Variants in C6 observed in about 807,000 individuals in gnomAD.
C6 encodes the protein complement C6, also known as complement component C6.
C6 carries 101 observed loss-of-function variants against 112.9 expected under a neutral mutation model. That is an observed-to-expected ratio of 0.89 (90% confidence interval 0.76 to 1.06). C6 has a LOEUF of 1.06. C6 is among the 50% of genes least tolerant of loss of function. The pLI, the probability that C6 is intolerant of heterozygous loss-of-function variation, is 0.00. For synonymous variants in C6, 431 were observed against 384.1 expected (o/e 1.12, Z -1.43); for missense variants, 1,202 against 1,104.6 (o/e 1.09, Z -1.25).
chr5:41,207,986 C>G (rs946925408), intron 1 of C6, among the ~76,000 whole-genome samples: 2 of 152,196 alleles, frequency 1.3e-5, no homozygotes, highest in Non-Finnish European at 2.9e-5. Context: ...AAGTAAAGCA[C>G]TCCTCCGCAA....
At chr5:41,169,002 C>T (rs17260228) in intron 9 of C6, among the ~76,000 whole-genome samples, 46,604 of 151,858 alleles carry the variant, frequency 0.31, 8,326 homozygotes, top group Non-Finnish European at 0.42. Flanking sequence ...TTCCCTAAAG[C>T]CTGAAGAAGG....
At chr5:41,187,516 C>T (rs1465350597) in intron 5 of C6, among the ~76,000 whole-genome samples, 2 of 152,082 alleles carry the variant, frequency 1.3e-5, no homozygotes, top group East Asian at 1.9e-4. Flanking sequence ...GCAGAAAATT[C>T]GACCAATTAC....
chr5:41,186,485 A>G, intron 5 of C6: 1 of 402,600 alleles, frequency 2.5e-6, no homozygotes, highest in Non-Finnish European at 4.6e-6. Flanking sequence ...CTGGATTTAT[A>G]ATTTTTTATG....
chr5:41,239,332 G>A (rs1260153137), intron 1 of C6, among the ~76,000 whole-genome samples: 4 of 151,760 alleles, frequency 2.6e-5, no homozygotes, highest in East Asian at 3.9e-4. Context: ...TCCTGGTCTC[G>A]AACTCCTGAC....
At chr5:41,188,606 G>A (rs559071799) in intron 5 of C6, among the ~76,000 whole-genome samples, 1 of 151,858 alleles carries the variant, frequency 6.6e-6, no homozygotes, top group African/African-American at 2.4e-5. Flanking sequence ...CTCACATAAT[G>A]CAAAAAAATT....
intron 9 of C6, among the ~76,000 whole-genome samples, chr5:41,163,636 G>A (rs2150279094): frequency 6.6e-6 from 1 of 152,250 alleles, no homozygotes; most frequent in South Asian, 2.1e-4. Context: ...AGTGTGTGCA[G>A]CCACTACTAT....
intron 3 of C6, among the ~76,000 whole-genome samples, chr5:41,201,017 G>A (rs10447143): frequency 0.51 from 76,477 of 149,498 alleles, 20,316 homozygotes; most frequent in Non-Finnish European, 0.6. Context: ...GTGGAGTATT[G>A]TATATGTAAA....
intron 9 of C6, among the ~76,000 whole-genome samples, chr5:41,165,964 T>G (rs962430247): frequency 1.8e-4 from 27 of 152,138 alleles, no homozygotes; most frequent in African/African-American, 6.5e-4. Flanking sequence ...TTTTTACTGC[T>G]TTCCCACTGA....
intron 1 of C6, among the ~76,000 whole-genome samples, 198 bp downstream of exon 1, chr5:41,213,178 C>G (rs1338038337): frequency 1.3e-5 from 2 of 152,010 alleles, no homozygotes; most frequent in Non-Finnish European, 2.9e-5. Context: ...CTCAAATGTC[C>G]TCTGGAATGA....
chr5:41,248,753 A>T (rs1376188732), intron 1 of C6, among the ~76,000 whole-genome samples: 1 of 152,254 alleles, frequency 6.6e-6, no homozygotes, highest in Non-Finnish European at 1.5e-5. Context: ...CACAGTGGAA[A>T]GCAGTTTGGA....
chr5:41,230,816 C>T (rs974642947), intron 1 of C6, among the ~76,000 whole-genome samples: 1 of 152,126 alleles, frequency 6.6e-6, no homozygotes, highest in African/African-American at 2.4e-5. Flanking sequence ...AAATTCCTCT[C>T]TTTGTATGCT....
intron 1 of C6, among the ~76,000 whole-genome samples, chr5:41,245,656 A>G (rs1385592855): frequency 1.3e-5 from 2 of 152,194 alleles, no homozygotes; most frequent in Non-Finnish European, 2.9e-5. Flanking sequence ...ATTGAGTTCT[A>G]TCAAATGCTT....
Position 41,160,349 on chromosome 5 carries a change from A to C in C6, c.1477T>G (p.Leu493Val), listed in dbSNP as rs529484837. The C allele has an allele frequency of 9.3e-6, 15 of 1,613,604 alleles. No homozygotes were observed. Among genetic ancestry groups the C allele is most frequent in the Admixed American group, 8.3e-5 (5 of 59,944 alleles). Residue 493 changes from leucine to valine, a missense_variant, in exon 11 of 18, where the codon TTG becomes GTG. By Grantham distance (32) the Leu-to-Val change is conservative. Coordinates refer to ENST00000337836, the MANE Select transcript of C6 (RefSeq NM_000065.5). ...ACTGCACAGGGGATGTTTCTTACCA[A>C]GTCCACGATGGGGGCAAGCTAGGAG... ...IDFELAPIVDLVRNIPCAVTK... is the reference protein window; with the variant it reads ...IDFELAPIVDVVRNIPCAVTK...
At chr5:41,151,182 G>C (rs1746359400) in intron 15 of C6, among the ~76,000 whole-genome samples, 1 of 152,134 alleles carries the variant, frequency 6.6e-6, no homozygotes, top group Non-Finnish European at 1.5e-5. Flanking sequence ...GAGGCATGGT[G>C]GTCAATAGGG....
intron 1 of C6, among the ~76,000 whole-genome samples, chr5:41,230,756 G>T (rs1197729876): frequency 6.6e-6 from 1 of 152,024 alleles, no homozygotes; most frequent in Non-Finnish European, 1.5e-5. Context: ...GCTTGGGGTC[G>T]TCATCACAGT....
At chr5:41,228,809 C>T (rs1739692999) in intron 1 of C6, among the ~76,000 whole-genome samples, 1 of 152,062 alleles carries the variant, frequency 6.6e-6, no homozygotes, top group African/African-American at 2.4e-5. Context: ...GGATAATTCC[C>T]ACTTGATCAT....
Position 41,172,318 on chromosome 5 carries a change from C to T in C6, c.1198G>A (p.Val400Ile), listed in dbSNP as rs149583975. The T allele has an allele frequency of 6.2e-7, 1 of 1,613,432 alleles. No homozygotes were observed. The highest frequency in any genetic ancestry group is 8.5e-7 in the Non-Finnish European group (1 of 1,179,672). The change falls in exon 9 of 18, where the codon GTC becomes ATC. Residue 400 changes from valine to isoleucine, a missense_variant. Physicochemically the swap from Val to Ile is conservative, Grantham distance 29. Transcript: ENST00000337836. ...GLTEEEAKHC[V>I]RIETKKRVLF... ...ACGCGTTTCTTTGTTTCAATCCTGA[C>T]ACAGTGTTTGGCTTCTTCCTCGGTT...
Position 41,160,358 on chromosome 5 carries a change from T to TG in C6, c.1467dup (p.Ile490HisfsTer39). On this transcript the variant is annotated frameshift_variant, in exon 11 of 18. Transcript: ENST00000337836. LOFTEE classifies it high-confidence loss of function. The stretch of plus-strand genomic sequence containing the variant: ...GGGATGTTTCTTACCAAGTCCACGA[T>TG]GGGGGCAAGCTAGGAGAAAATGGGA... 11 of 1,613,528 alleles carry TG rather than the reference T, an allele frequency of 6.8e-6. No individual in the cohort carries two copies. Among genetic ancestry groups the TG allele is most frequent in the Non-Finnish European group, 9.3e-6 (11 of 1,179,602 alleles).
At chr5:41,255,999 G>T (rs1410512369) in intron 1 of C6, among the ~76,000 whole-genome samples, 1 of 152,152 alleles carries the variant, frequency 6.6e-6, no homozygotes, top group Non-Finnish European at 1.5e-5. Flanking sequence ...AGGTTGCTGT[G>T]CAGTGAGAGC....
Sources: allele counts gnomAD v4.1 joint callset (sites outside exome capture counted in the v4.1 genomes callset), GRCh38; gene constraint gnomAD v4.1.1; transcripts MANE v1.5; gene names NCBI Gene and HGNC (gene_info 2026-07-23, HGNC 2026-07-21).